CSMD3: variants seen among roughly 807,000 people sequenced by gnomAD.
CSMD3 encodes CUB and Sushi multiple domains 3, also known as CUB and sushi domain-containing protein 3.
In CSMD3, 177 loss-of-function variants were observed where a neutral mutation model predicts 435.2. The observed-to-expected ratio is 0.41, with a 90% CI of 0.36 to 0.46. CSMD3 has a LOEUF of 0.46. CSMD3 is among the 20% of genes least tolerant of loss of function. The pLI is 0.34. For missense variants in CSMD3, 4,265 were observed against 4,504.6 expected (o/e 0.95, Z 1.52); for synonymous variants, 1,656 against 1,520.5 (o/e 1.09, Z -2.07).
Position 112,390,958 on chromosome 8 carries a change from C to T in CSMD3, c.5810-170G>A, listed in dbSNP as rs145233685. ...ATGAAGTTTTTGTATACCATGGAAA[C>T]GATAACAAATAATTAGACAGCATTA... On this transcript the variant is annotated intron_variant, in intron 35 of 70. Transcript: ENST00000297405. 8.7e-4 allele frequency among the ~76,000 whole-genome samples: 133 copies of T among 152,118 alleles called. 1 individual carries two copies. The East Asian group carries it at 0.019, about 21-fold the overall frequency.
At chr8:113,046,778 A>G (rs1188196888) in intron 5 of CSMD3, among the ~76,000 whole-genome samples, 1 of 152,180 alleles carries the variant, frequency 6.6e-6, no homozygotes, top group Non-Finnish European at 1.5e-5. Flanking sequence ...GGCCCTGGAA[A>G]TTTCTGAATC....
chr8:113,249,826 A>G (rs2093318001), intron 3 of CSMD3, among the ~76,000 whole-genome samples: 1 of 151,948 alleles, frequency 6.6e-6, no homozygotes, highest in South Asian at 2.1e-4. Flanking sequence ...AATCTATGGC[A>G]ATAGTATTCA....
intron 5 of CSMD3, among the ~76,000 whole-genome samples, chr8:113,066,242 G>T (rs994121754): frequency 6.6e-6 from 1 of 151,776 alleles, no homozygotes; most frequent in Non-Finnish European, 1.5e-5. Context: ...GTCTAAATTT[G>T]TACAGTATAT....
At chr8:113,304,981 A>T (rs1313312985) in intron 2 of CSMD3, among the ~76,000 whole-genome samples, 288 of 143,442 alleles carry the variant, frequency 2.0e-3, no homozygotes, top group South Asian at 3.1e-3. Flanking sequence ...ATAAAAAATG[A>T]TGAGTTCATG....
chr8:112,341,318 G>A (rs1825087670), intron 42 of CSMD3, among the ~76,000 whole-genome samples, 159 bp downstream of exon 42: 1 of 150,266 alleles, frequency 6.7e-6, no homozygotes, highest in Admixed American at 6.6e-5. Flanking sequence ...CCAGAGAGTT[G>A]CATTGTTCTA....
intron 5 of CSMD3, among the ~76,000 whole-genome samples, chr8:113,032,807 C>T (rs2087172177): frequency 6.6e-6 from 1 of 151,470 alleles, no homozygotes; most frequent in South Asian, 2.1e-4. Context: ...GCAGCTCCTC[C>T]CATTCCAGGC....
chr8:112,745,280 T>A (rs994640699), intron 13 of CSMD3, among the ~76,000 whole-genome samples: 6 of 152,146 alleles, frequency 3.9e-5, no homozygotes, highest in Non-Finnish European at 8.8e-5. Context: ...AAAACTTGTG[T>A]AGTTCCTAGG....
chr8:113,269,699 A>G (rs1351852589), intron 3 of CSMD3, among the ~76,000 whole-genome samples: 1 of 151,474 alleles, frequency 6.6e-6, no homozygotes, highest in Non-Finnish European at 1.5e-5. Flanking sequence ...GACAAAAAAA[A>G]GAAGAAATGG....
chr8:112,720,954 G>A (rs1452415185), intron 13 of CSMD3, among the ~76,000 whole-genome samples: 1 of 152,124 alleles, frequency 6.6e-6, no homozygotes, highest in Non-Finnish European at 1.5e-5. Context: ...CAATTTCACT[G>A]TATATATTGT....
At chr8:113,415,917 A>G (rs913413442) in intron 1 of CSMD3, among the ~76,000 whole-genome samples, 3 of 152,076 alleles carry the variant, frequency 2.0e-5, no homozygotes, top group Admixed American at 6.6e-5. Flanking sequence ...TATATGGCCT[A>G]CCGTATTTAC....
intron 27 of CSMD3, among the ~76,000 whole-genome samples, chr8:112,549,684 AC>A (rs1298171838): frequency 6.6e-6 from 1 of 152,068 alleles, no homozygotes; most frequent in Non-Finnish European, 1.5e-5. Context: ...TTCATTAGGT[AC>A]CAGTTATCTA....
chr8:112,633,072 ATT>A (rs2074561512), intron 22 of CSMD3, among the ~76,000 whole-genome samples: 1 of 152,026 alleles, frequency 6.6e-6, no homozygotes, highest in South Asian at 2.1e-4. Flanking sequence ...AGTAAACGAG[ATT>A]TTGTGTATTG....
rs2080558972 is a variant in CSMD3 at position 112,853,586 on chromosome 8, A to G, written c.1755+5559T>C. ...TCTAAGACTTTCTTTGAGATCTTTCAGTCTCATGGTTTCAAATAACATCTA... is the reference window on the plus strand; with the variant it reads ...TCTAAGACTTTCTTTGAGATCTTTCGGTCTCATGGTTTCAAATAACATCTA... On this transcript the variant is annotated intron_variant, in intron 11 of 70. Coordinates refer to ENST00000297405, the MANE Select transcript of CSMD3 (RefSeq NM_198123.2). Among the ~76,000 whole-genome samples the G allele has an allele frequency of 2.0e-5, 3 of 152,314 alleles. 1 individual carries two copies. The highest frequency in any genetic ancestry group is 6.8e-3 in the Middle Eastern group (2 of 294).
rs201287806 is a variant in CSMD3 at position 112,576,511 on chromosome 8, AT to A, written c.3886-2855del. On this transcript the variant is annotated intron_variant, in intron 23 of 70. Transcript: ENST00000297405. The stretch of plus-strand genomic sequence containing the variant: ...ATTAGATTAGAAGCACACAGCATAC[AT>A]TTTTTTTCCTTTTGTTTTCTTTTTT... Among the ~76,000 whole-genome samples, 862 of 151,620 alleles carry A rather than the reference AT, an allele frequency of 5.7e-3. 9 individuals carry two copies. Among genetic ancestry groups the A allele is most frequent in the African/African-American group, 0.02 (827 of 41,338 alleles).
chr8:113,146,713 A>G (rs1330958102), intron 4 of CSMD3, among the ~76,000 whole-genome samples: 1 of 151,640 alleles, frequency 6.6e-6, no homozygotes, highest in African/African-American at 2.4e-5. Context: ...CATATATTGC[A>G]GCCAGCTGAC....
chr8:112,284,556 A>G (rs1818984473), intron 58 of CSMD3, among the ~76,000 whole-genome samples: 1 of 150,914 alleles, frequency 6.6e-6, no homozygotes, highest in South Asian at 2.1e-4. Context: ...TTCATGGCCT[A>G]TATCGTAATA....
chr8:112,913,891 G>T (rs1049457577), intron 10 of CSMD3, among the ~76,000 whole-genome samples: 1 of 151,778 alleles, frequency 6.6e-6, no homozygotes, highest in Non-Finnish European at 1.5e-5. Flanking sequence ...TCTTTGAACG[G>T]AATGCACCAT....
rs1403880081 is a variant in CSMD3 at position 112,909,414 on chromosome 8, T to C, written c.1633+12213A>G. ...GTGTAAAATTTTAAACACATATTTT[T>C]TTTAAAAAATCAAATAATCGAAATA... On this transcript the variant is annotated intron_variant, in intron 10 of 70. Transcript: ENST00000297405. Among the ~76,000 whole-genome samples the C allele has an allele frequency of 3.3e-5, 5 of 151,680 alleles. No homozygotes were observed. In the East Asian group the frequency reaches 9.7e-4, roughly 30 times the overall value.
intron 4 of CSMD3, among the ~76,000 whole-genome samples, chr8:113,116,665 A>T (rs1163256651): frequency 2.6e-5 from 4 of 152,154 alleles, no homozygotes; most frequent in Non-Finnish European, 4.4e-5. Flanking sequence ...ACTGTAGAAA[A>T]GTTTGGAACT....
Sources: allele counts gnomAD v4.1 joint callset (sites outside exome capture counted in the v4.1 genomes callset), GRCh38; gene constraint gnomAD v4.1.1; transcripts MANE v1.5; gene names NCBI Gene and HGNC (gene_info 2026-07-23, HGNC 2026-07-21).